SYNE2: variants seen among roughly 807,000 people sequenced by gnomAD.
SYNE2 encodes nesprin-2.
A neutral mutation model predicts 856.3 loss-of-function variants in SYNE2; 431 were observed. The observed-to-expected ratio is 0.50, with a 90% CI of 0.47 to 0.55. The LOEUF (loss-of-function observed/expected upper bound fraction) is 0.55. Ranked by LOEUF, SYNE2 falls within the 20% of genes least tolerant of loss-of-function variation. SYNE2 has a pLI of 0.00. For synonymous variants in SYNE2, 2,923 were observed against 2,872.3 expected (o/e 1.02, Z -0.56); for missense variants, 8,129 against 8,023.2 (o/e 1.01, Z -0.50).
At chr14:63,803,093 A>T (rs1247506525) in intron 1 of SYNE2, among the ~76,000 whole-genome samples, 3 of 152,114 alleles carry the variant, frequency 2.0e-5, no homozygotes, top group African/African-American at 7.2e-5. Flanking sequence ...TGATTGGTAG[A>T]GCCGAGTGGC....
chr14:64,039,636 C>A (rs1035176658), intron 45 of SYNE2, among the ~76,000 whole-genome samples: 3 of 152,208 alleles, frequency 2.0e-5, no homozygotes, highest in Non-Finnish European at 4.4e-5. Flanking sequence ...TCATTTTCCA[C>A]TTTAAATTTA....
chr14:63,811,404 A>T (rs1278131175), intron 1 of SYNE2, among the ~76,000 whole-genome samples: 1 of 151,928 alleles, frequency 6.6e-6, no homozygotes, highest in Non-Finnish European at 1.5e-5. Flanking sequence ...ACAGGTGTGC[A>T]TCACCATGCC....
chr14:64,199,690 C>T (rs561755363), intron 99 of SYNE2, among the ~76,000 whole-genome samples: 13 of 128,572 alleles, frequency 1.0e-4, no homozygotes, highest in African/African-American at 2.7e-4. Flanking sequence ...TGCACTCCAG[C>T]GTAGGCGATA....
intron 6 of SYNE2, among the ~76,000 whole-genome samples, chr14:63,943,485 A>G (rs995522787): frequency 6.6e-6 from 1 of 152,178 alleles, no homozygotes; most frequent in African/African-American, 2.4e-5. Flanking sequence ...AAACATGCAG[A>G]GACAGACTAT....
At chr14:64,073,068 G>A (rs2097425089) in intron 52 of SYNE2, among the ~76,000 whole-genome samples, 2 of 152,128 alleles carry the variant, frequency 1.3e-5, no homozygotes, top group African/African-American at 4.8e-5. Flanking sequence ...AGCTCTCTGA[G>A]CCCTGTCTTT....
In SYNE2 at chr14:64,098,823, T is replaced by G. The variant is rs745360494; in HGVS notation, c.12381+2T>G. On this transcript the variant is annotated splice_donor_variant, in intron 63 of 115. Transcript: ENST00000555002. LOFTEE classifies it high-confidence loss of function. ...GAAGAAAGTTCCGTGAAGAGCGATG[T>G]AAGGGAAATGATTTTCTTGTTAAAG... 2 of 1,613,878 alleles carry G rather than the reference T, an allele frequency of 1.2e-6. No individual in the cohort carries two copies. The highest frequency in any genetic ancestry group is 1.7e-6 in the Non-Finnish European group (2 of 1,179,898).
intron 1 of SYNE2, among the ~76,000 whole-genome samples, chr14:63,857,026 T>G (rs1891965822): frequency 6.6e-6 from 1 of 152,154 alleles, no homozygotes; most frequent in Admixed American, 6.5e-5. Flanking sequence ...CACCTCAGCC[T>G]CCCAAAGTGC....
chr14:64,046,562 A>C (rs899582133), intron 45 of SYNE2, among the ~76,000 whole-genome samples: 1 of 152,176 alleles, frequency 6.6e-6, no homozygotes, highest in Non-Finnish European at 1.5e-5. Flanking sequence ...CGTGTTACCC[A>C]TGGTGAACTC....
chr14:64,141,353 G>T lies in SYNE2; in HGVS notation c.14989G>T (p.Glu4997Ter). ...AACTCTCCTTTAGGAGTTTTCAAAA[G>T]AAGTTGATGAAAAATCCTCCTTGAA... Reference protein sequence around the residue: ...NINNFFEFSKEVDEKSSLKTA... With the variant: ...NINNFFEFSK Residue 4997 changes from glutamate (E) to a stop codon, truncating the protein, a stop_gained, in exon 81 of 116, where the codon GAA becomes TAA. Transcript: ENST00000555002. LOFTEE classifies it high-confidence loss of function. 6.2e-7 allele frequency: 1 copy of T among 1,612,936 alleles called. No individual in the cohort carries two copies. Among genetic ancestry groups the T allele is most frequent in the Non-Finnish European group, 8.5e-7 (1 of 1,179,678 alleles).
chr14:64,000,982 C>G (rs1376154170), intron 28 of SYNE2, among the ~76,000 whole-genome samples: 3 of 152,214 alleles, frequency 2.0e-5, no homozygotes, highest in Admixed American at 1.3e-4. Flanking sequence ...AGAGGCCACA[C>G]AGTCTTTCCA....
At chr14:64,137,340 C>T (rs1010168300) in intron 78 of SYNE2, among the ~76,000 whole-genome samples, 1 of 152,200 alleles carries the variant, frequency 6.6e-6, no homozygotes, top group Non-Finnish European at 1.5e-5. Context: ...GCTGGGATTA[C>T]AGGTGTGCGC....
At chr14:64,015,535 T>C (rs2096886068) in intron 32 of SYNE2, among the ~76,000 whole-genome samples, 1 of 152,090 alleles carries the variant, frequency 6.6e-6, no homozygotes, top group South Asian at 2.1e-4. Flanking sequence ...TGTAGTGGTA[T>C]CCCTATTTCA....
intron 1 of SYNE2, among the ~76,000 whole-genome samples, chr14:63,835,615 A>G (rs545491162): frequency 2.6e-5 from 4 of 152,092 alleles, no homozygotes; most frequent in African/African-American, 9.6e-5. Context: ...CTGAAAGTAC[A>G]TGTTAATCTT....
chr14:64,025,533 A>G, intron 41 of SYNE2, 112 bp downstream of exon 41: 1 of 1,072,482 alleles, frequency 9.3e-7, no homozygotes, highest in Non-Finnish European at 1.3e-6. Context: ...TCACTGTGGA[A>G]TGGTTGAAGA....
intron 39 of SYNE2, 44 bp from the exon 40 acceptor site, chr14:64,024,868 C>T: frequency 5.6e-6 from 9 of 1,610,876 alleles, no homozygotes; most frequent in Non-Finnish European, 7.6e-6. Context: ...GGTATAAACA[C>T]TTTTTGCTTA....
rs2098184710 is a variant in SYNE2 at position 64,146,133 on chromosome 14, C to A, written c.15549C>A (p.Asn5183Lys). ...GTGAAAATAAAATACAGATCTTGAA[C>A]AACTGGCTGGAAGCACAAGAAGAGA... The part of the protein sequence containing the change: ...TESENKIQIL[N>K]NWLEAQEERL... Residue 5183 changes from asparagine (N) to lysine (K), a missense_variant, in exon 84 of 116, where the codon AAC becomes AAA. Asn to Lys is a moderately conservative substitution (Grantham distance 94). Coordinates refer to ENST00000555002, the MANE Select transcript of SYNE2 (RefSeq NM_182914.3). The A allele has an allele frequency of 6.2e-7, 1 of 1,609,750 alleles. No individual in the cohort carries two copies.
intron 1 of SYNE2, among the ~76,000 whole-genome samples, chr14:63,806,875 ATT>A (rs200822464): frequency 1.2e-4 from 17 of 138,574 alleles, no homozygotes; most frequent in Admixed American, 2.9e-4. Flanking sequence ...TAAACTTAAA[ATT>A]TTTTTTTTTT....
chr14:63,897,706 G>T (rs750253225), intron 1 of SYNE2, among the ~76,000 whole-genome samples: 2 of 152,130 alleles, frequency 1.3e-5, no homozygotes, highest in Non-Finnish European at 2.9e-5. Context: ...ATCCTTGTAT[G>T]CTTCTTTGGT....
chr14:63,904,908 A>T (rs1566762686), intron 1 of SYNE2, among the ~76,000 whole-genome samples: 1 of 152,118 alleles, frequency 6.6e-6, no homozygotes, highest in African/African-American at 2.4e-5. Context: ...GGTATTTCCT[A>T]GGTTTTCTTC....
Sources: gnomAD v4.1 joint callset for allele counts (sites outside exome capture counted in the v4.1 genomes callset) on GRCh38, gnomAD v4.1.1 for gene constraint, MANE v1.5 for transcripts, NCBI Gene and HGNC (gene_info 2026-07-23, HGNC 2026-07-21) for gene names.